The following KCNQ3 variants were observed in gnomAD, a reference collection of about 807,000 sequenced individuals.
The protein encoded by KCNQ3 is potassium voltage-gated channel subfamily KQT member 3.
Under a neutral mutation model 92.5 loss-of-function variants are expected in KCNQ3, and 30 were observed. That is an observed-to-expected ratio of 0.32 (90% CI 0.24 to 0.44). The LOEUF is 0.44. KCNQ3 is among the 20% of genes least tolerant of loss of function. KCNQ3 has a pLI of 1.00. For missense variants in KCNQ3, 913 were observed against 1,140.3 expected, an observed-to-expected ratio of 0.80 and a Z score of 2.87; for synonymous variants, 450 against 468.8, an observed-to-expected ratio of 0.96 and a Z score of 0.52.
intron 1 of KCNQ3, among the ~76,000 whole-genome samples, chr8:132,383,031 C>A (rs138146448): frequency 4.6e-4 from 70 of 152,256 alleles, no homozygotes; most frequent in African/African-American, 1.6e-3. Flanking sequence ...ATGAGAAGTA[C>A]CTAATTCTTC....
At chr8:132,182,533 C>T (rs10956645) in intron 3 of KCNQ3, among the ~76,000 whole-genome samples, 31,597 of 152,188 alleles carry the variant, frequency 0.21, 3,372 homozygotes, top group Admixed American at 0.23. Context: ...GCTCTGTGAC[C>T]GCAGCTGATT....
At chr8:132,229,622 G>C (rs994357948) in intron 1 of KCNQ3, among the ~76,000 whole-genome samples, 3 of 152,006 alleles carry the variant, frequency 2.0e-5, no homozygotes, top group African/African-American at 7.2e-5. Flanking sequence ...ACTCCTAAAA[G>C]ACTATTACCT....
intron 1 of KCNQ3, among the ~76,000 whole-genome samples, chr8:132,226,914 G>A (rs1307601313): frequency 6.6e-6 from 1 of 152,114 alleles, no homozygotes; most frequent in East Asian, 1.9e-4. Context: ...AATCATCCCA[G>A]CATTTTTGGA....
In KCNQ3 at chr8:132,123,776, A is replaced by G. The variant is rs1824572350; in HGVS notation, c.*5486T>C. 1.3e-5 allele frequency: 2 copies of G among 152,274 alleles called. No homozygotes were observed. Among genetic ancestry groups the G allele is most frequent in the African/African-American group, 4.8e-5 (2 of 41,546 alleles). The allele number at this position is 152,274 out of a possible 1,614,324, so 9.4% of individuals were successfully genotyped here. A position where few individuals can be genotyped will look rare whatever the true frequency, so the allele number is the denominator to read the frequency against. On this transcript the variant is annotated 3_prime_UTR_variant, in exon 15 of 15. Coordinates refer to ENST00000388996, the MANE Select transcript of KCNQ3 (RefSeq NM_004519.4). Reference sequence around the variant, plus strand: ...ATCAAAATCTCTTCTTGCTCTGTGTATCTTAGAATCCATGAAATTATGTCT... The same window carrying G: ...ATCAAAATCTCTTCTTGCTCTGTGTGTCTTAGAATCCATGAAATTATGTCT...
chr8:132,190,583 C>T (rs1827126761), intron 1 of KCNQ3, among the ~76,000 whole-genome samples: 1 of 152,134 alleles, frequency 6.6e-6, no homozygotes, highest in African/African-American at 2.4e-5. Context: ...GGGACCTGTT[C>T]TGGAACTGCA....
chr8:132,431,525 G>T (rs1391244842), intron 1 of KCNQ3, among the ~76,000 whole-genome samples: 2 of 152,204 alleles, frequency 1.3e-5, no homozygotes, highest in African/African-American at 2.4e-5. Flanking sequence ...CTCAGCGGGA[G>T]TCTATCCAGA....
chr8:132,155,268 T>A (rs1364237612), intron 9 of KCNQ3, among the ~76,000 whole-genome samples: 1 of 152,202 alleles, frequency 6.6e-6, no homozygotes, highest in East Asian at 1.9e-4. Flanking sequence ...GAGCTCTTAA[T>A]GCTCAGTGTT....
At chr8:132,403,637 T>C (rs756732689) in intron 1 of KCNQ3, among the ~76,000 whole-genome samples, 2 of 152,120 alleles carry the variant, frequency 1.3e-5, no homozygotes, top group Non-Finnish European at 2.9e-5. Flanking sequence ...GGAAGGAAAG[T>C]ATCATAGTTC....
At chr8:132,150,086 T>G (rs1825589376) in intron 9 of KCNQ3, among the ~76,000 whole-genome samples, 1 of 139,442 alleles carries the variant, frequency 7.2e-6, no homozygotes, top group Non-Finnish European at 1.6e-5. Context: ...TTTTTTTTTT[T>G]TCCTTTTGGA....
At chr8:132,477,646 C>T (rs1048968835) in intron 1 of KCNQ3, among the ~76,000 whole-genome samples, 2 of 152,280 alleles carry the variant, frequency 1.3e-5, no homozygotes, top group African/African-American at 2.4e-5. Flanking sequence ...TATCAGAATC[C>T]GCAATCCCAC....
At chr8:132,330,097 G>C (rs921203717) in intron 1 of KCNQ3, among the ~76,000 whole-genome samples, 1 of 152,198 alleles carries the variant, frequency 6.6e-6, no homozygotes, top group Admixed American at 6.5e-5. Flanking sequence ...AAGCATCCTT[G>C]TAAGAGACAT....
intron 1 of KCNQ3, among the ~76,000 whole-genome samples, chr8:132,442,086 T>G (rs1587023751): frequency 6.6e-6 from 1 of 151,758 alleles, no homozygotes; most frequent in Admixed American, 6.6e-5. Flanking sequence ...AGGGTGGAGG[T>G]GGGGAGGAGG....
intron 1 of KCNQ3, among the ~76,000 whole-genome samples, chr8:132,453,322 A>C (rs142366762): frequency 6.6e-6 from 1 of 152,154 alleles, no homozygotes; most frequent in African/African-American, 2.4e-5. Flanking sequence ...CATCTAGCTC[A>C]CTCTGGAAAA....
chr8:132,171,715 C>T (rs1371569441), intron 7 of KCNQ3, among the ~76,000 whole-genome samples: 1 of 152,170 alleles, frequency 6.6e-6, no homozygotes, highest in African/African-American at 2.4e-5. Flanking sequence ...AGACTGTTCT[C>T]CTTGTAGCTG....
At chr8:132,447,111 A>G (rs1821698762) in intron 1 of KCNQ3, 5 of 1,123,594 alleles carry the variant, frequency 4.5e-6, no homozygotes, top group Non-Finnish European at 6.5e-6. Flanking sequence ...TAAGCTATGC[A>G]TGTGGCTCTT....
chr8:132,436,086 C>G (rs912422291), intron 1 of KCNQ3, among the ~76,000 whole-genome samples: 1 of 152,178 alleles, frequency 6.6e-6, no homozygotes, highest in Non-Finnish European at 1.5e-5. Context: ...TAATTATGGT[C>G]TATAATCAAG....
chr8:132,442,573 C>T (rs959121925), intron 1 of KCNQ3, among the ~76,000 whole-genome samples: 8 of 152,118 alleles, frequency 5.3e-5, no homozygotes, highest in African/African-American at 1.9e-4. Flanking sequence ...ACTCTAAATG[C>T]CAATGGCAAA....
At chr8:132,476,306 A>G (rs1913723) in intron 1 of KCNQ3, among the ~76,000 whole-genome samples, 138,932 of 152,288 alleles carry the variant, frequency 0.91, 63,435 homozygotes, top group East Asian at 0.92. Flanking sequence ...GCCTAGTTGG[A>G]CTGTGAGAAG....
At chr8:132,334,666 G>C (rs1028288190) in intron 1 of KCNQ3, among the ~76,000 whole-genome samples, 7 of 152,234 alleles carry the variant, frequency 4.6e-5, no homozygotes, top group Non-Finnish European at 8.8e-5. Flanking sequence ...TTCCAGATGA[G>C]AATACCTCAG....
Sources: gnomAD v4.1 joint callset for allele counts (sites outside exome capture counted in the v4.1 genomes callset) on GRCh38, gnomAD v4.1.1 for gene constraint, MANE v1.5 for transcripts, NCBI Gene and HGNC (gene_info 2026-07-23, HGNC 2026-07-21) for gene names.